Variants in CHD3 observed in about 807,000 individuals in gnomAD.
CHD3 encodes the protein ATP-dependent chromatin remodeler CHD3.
CHD3 carries 52 observed loss-of-function variants against 248.9 expected under a neutral mutation model. The ratio of observed to expected loss-of-function variants is 0.21; its 90% CI spans 0.17 to 0.26. The LOEUF (loss-of-function observed/expected upper bound fraction) is 0.26, where lower values mean the gene tolerates loss of function less well. Among genes scored for constraint, CHD3 ranks in the 10% least tolerant of loss-of-function variants. The pLI is 1.00. For synonymous variants in CHD3, 985 were observed against 985.2 expected (o/e 1.00, Z 0.00); for missense variants, 1,482 against 2,605.8 (o/e 0.57, Z 9.39).
In CHD3 at chr17:7,895,573, A is replaced by G. The variant is rs776320089; in HGVS notation, c.1707+31A>G. 17 of 1,578,154 alleles carry G rather than the reference A, an allele frequency of 1.1e-5. No individual in the cohort carries two copies. The Admixed American group carries it at 2.2e-4, about 20-fold the overall frequency. On this transcript the variant is annotated intron_variant, in intron 10 of 39. Coordinates refer to ENST00000330494, the MANE Select transcript of CHD3 (RefSeq NM_001005273.3). This position sits in a 1 kb window ranked among gnomAD's most constrained non-coding sequence, Gnocchi z 4.9. ...AGGACCTTTTCTTTCCCTCTCCCCC[A>G]TGACCTCATTTCCTGCCATCCTCTC...
At position 7,890,728 on chromosome 17, in the gene CHD3, A is replaced by G; in HGVS notation, c.371A>G (p.Asp124Gly). 1 of 1,333,798 alleles carries G rather than the reference A, an allele frequency of 7.5e-7. No homozygotes were observed. The highest frequency in any genetic ancestry group is 1.0e-6 in the Non-Finnish European group (1 of 983,478). The allele number at this position is 1,333,798 out of a possible 1,614,324, so 82.6% of individuals were successfully genotyped here. A position where few individuals can be genotyped will look rare whatever the true frequency, so the allele number is the denominator to read the frequency against. Residue 124 changes from aspartate (D) to glycine (G), a missense_variant, in exon 3 of 40, where the codon GAT becomes GGT. Physicochemically the swap from Asp to Gly is moderately conservative, Grantham distance 94. Transcript: ENST00000330494. ...KTKRRKKGEG[D>G]GGQKQVEQKS... The stretch of plus-strand genomic sequence containing the variant: ...AAGCGGCGGAAAAAGGGGGAGGGAG[A>G]TGGGGGGCAAAAGGTGAGTAGAATT...
upstream of CHD3, chr17:7,885,151 G>A (rs1967595029): frequency 3.1e-6 from 3 of 982,396 alleles, no homozygotes; most frequent in South Asian, 9.0e-5. Context: ...GCCGGGCGGG[G>A]GCGAGGCACC....
At position 7,906,555 on chromosome 17, in the gene CHD3, C is replaced by T. The variant is rs1359431103; in HGVS notation, c.4361C>T (p.Ala1454Val). The change falls in exon 29 of 40, where the codon GCC becomes GTC. Residue 1454 changes from alanine to valine, a missense_variant and splice_region_variant. This residue lies in a region of CHD3 where 156 missense variants were observed against 420.3 expected (regional missense o/e 0.37). Transcript: ENST00000330494. The surrounding 1 kb of genome is among the most constrained non-coding windows in gnomAD (Gnocchi z 5.0). ...LRGKTEKEFK[A>V]YVSLFMRHLC... ...CCTCCCACTCCCATGCTCCTTAGGGCCTATGTGTCTTTGTTCATGCGCCAT... is the reference window on the plus strand; with the variant it reads ...CCTCCCACTCCCATGCTCCTTAGGGTCTATGTGTCTTTGTTCATGCGCCAT... The T allele has an allele frequency of 9.9e-6, 16 of 1,613,710 alleles. No individual in the cohort carries two copies. The highest frequency in any genetic ancestry group is 8.5e-7 in the Non-Finnish European group (1 of 1,179,932).
In CHD3 at chr17:7,894,178, A is replaced by C. The variant is rs1213075584; in HGVS notation, c.988A>C (p.Ser330Arg). ...TGAGGAATCAGACCTGGACAGTGGC[A>C]GTGTCCACAGTGCCTCAGGCCGGCC... ...EAEESDLDSG[S>R]VHSASGRPDG... The change falls in exon 7 of 40, where the codon AGT becomes CGT. Residue 330 changes from serine (S) to arginine (R), a missense_variant. Transcript: ENST00000330494. The C allele has an allele frequency of 6.2e-7, 1 of 1,614,110 alleles. No homozygotes were observed. The highest frequency in any genetic ancestry group is 1.7e-5 in the Admixed American group (1 of 60,014).
At position 7,889,595 on chromosome 17, in the gene CHD3, G is replaced by A; in HGVS notation, c.101-69G>A. On this transcript the variant is annotated intron_variant, in intron 1 of 39. Coordinates refer to ENST00000330494, the MANE Select transcript of CHD3 (RefSeq NM_001005273.3). This position sits in a 1 kb window ranked among gnomAD's most constrained non-coding sequence, Gnocchi z 4.5. ...GTGGGAACTGCCGAGGTGGGGAAGG[G>A]GCAAGTTGAGGGGCCTCAGAGGCTG... is the stretch of plus-strand genomic sequence containing the variant. 7.3e-7 allele frequency: 1 copy of A among 1,360,658 alleles called. No homozygotes were observed. The highest frequency in any genetic ancestry group is 1.2e-5 in the South Asian group (1 of 80,374). 84.3% of individuals were successfully genotyped at this position (1,360,658 alleles called of 1,614,324 possible). A position where few individuals can be genotyped will look rare whatever the true frequency, so the allele number is the denominator to read the frequency against.
chr17:7,902,801 G>A, intron 21 of CHD3, 74 bp downstream of exon 21: 1 of 1,588,046 alleles, frequency 6.3e-7, no homozygotes, highest in South Asian at 1.1e-5. Flanking sequence ...GGGATGGGAG[G>A]GGGACTGGCT....
Position 7,904,015 on chromosome 17 carries a change from A to G in CHD3, c.3894+24A>G, listed in dbSNP as rs1451138911. The stretch of plus-strand genomic sequence containing the variant: ...AGGTGAGAGGCTTTGGGGGCCAGAC[A>G]TTATCTATCCCAGGCCATCTCCAAA... On this transcript the variant is annotated intron_variant, in intron 24 of 39. Coordinates refer to ENST00000330494, the MANE Select transcript of CHD3 (RefSeq NM_001005273.3). The surrounding 1 kb of genome is among the most constrained non-coding windows in gnomAD (Gnocchi z 4.4). 5.0e-6 allele frequency: 8 copies of G among 1,610,644 alleles called. No homozygotes were observed. Among genetic ancestry groups the G allele is most frequent in the South Asian group, 1.1e-5 (1 of 90,846 alleles).
intron 10 of CHD3, among the ~76,000 whole-genome samples, chr17:7,896,183 G>A (rs1045515885): frequency 4.9e-5 from 7 of 142,072 alleles, no homozygotes; most frequent in Non-Finnish European, 1.0e-4. Flanking sequence ...AGCCAAGATC[G>A]TGTCCCTGCA....
chr17:7,893,610 A>G (rs1403209676), intron 5 of CHD3, 41 bp downstream of exon 5: 2 of 1,538,818 alleles, frequency 1.3e-6, no homozygotes, highest in East Asian at 2.3e-5. Context: ...TCACCTTCCA[A>G]ACTGCATGTC....
At chr17:7,893,248 C>G (rs375812198) in intron 4 of CHD3, 38 bp from the exon 5 acceptor site, 2 of 1,559,830 alleles carry the variant, frequency 1.3e-6, no homozygotes, top group African/African-American at 2.7e-5. Flanking sequence ...CCCAGACCAT[C>G]TGTGAAGGGT....
rs1401035171 is a variant in CHD3 at position 7,895,450 on chromosome 17, C to T, written c.1615C>T (p.Pro539Ser). Residue 539 changes from proline to serine, a missense_variant, in exon 10 of 40, where the codon CCC (proline) becomes TCC (serine). Transcript: ENST00000330494. This position sits in a 1 kb window ranked among gnomAD's most constrained non-coding sequence, Gnocchi z 4.9. ...AGATGGAAATCCAGATGTCCCACCC[C>T]CCCGTCCTCTTCAAGGCAGATCAGA... ...QADGNPDVPP[P>S]RPLQGRSERE... 1.2e-6 allele frequency: 2 copies of T among 1,614,024 alleles called. No homozygotes were observed. The highest frequency in any genetic ancestry group is 2.2e-5 in the East Asian group (1 of 44,880).
intron 4 of CHD3, among the ~76,000 whole-genome samples, chr17:7,891,900 G>A (rs1301944593): frequency 1.3e-5 from 2 of 151,096 alleles, no homozygotes; most frequent in African/African-American, 4.8e-5. Flanking sequence ...GATGTATTTT[G>A]TTTTGGGGAG....
At chr17:7,886,302 A>G (rs1967939180), upstream of CHD3, among the ~76,000 whole-genome samples, 1 of 152,046 alleles carries the variant, frequency 6.6e-6, no homozygotes, top group African/African-American at 2.4e-5. This position sits in a 1 kb window ranked among gnomAD's most constrained non-coding sequence, Gnocchi z 4.2. Flanking sequence ...CCACCCTCCT[A>G]GTGGAGTGAT....
intron 4 of CHD3, 87 bp downstream of exon 4, chr17:7,891,151 A>C: frequency 6.8e-7 from 1 of 1,471,580 alleles, no homozygotes. Context: ...GAAAGCTATG[A>C]AACTGCTCTC....
chr17:7,905,257 C>A lies in CHD3; in HGVS notation c.4138+92C>A. 3.3e-6 allele frequency: 4 copies of A among 1,208,080 alleles called. No homozygotes were observed. Among genetic ancestry groups the A allele is most frequent in the Non-Finnish European group, 4.9e-6 (4 of 816,202 alleles). 74.8% of individuals were successfully genotyped at this position (1,208,080 alleles called of 1,614,324 possible). A position where few individuals can be genotyped will look rare whatever the true frequency, so the allele number is the denominator to read the frequency against. On this transcript the variant is annotated intron_variant, in intron 26 of 39. Coordinates refer to ENST00000330494, the MANE Select transcript of CHD3 (RefSeq NM_001005273.3). The surrounding 1 kb of genome is among the most constrained non-coding windows in gnomAD (Gnocchi z 5.8). ...ACTGTTTTTATACAAGTAAAAAAGT[C>A]TTCGTGTGTGTGTGGAAAAACTCGA...
At chr17:7,885,887 C>G (rs1260322240), upstream of CHD3, among the ~76,000 whole-genome samples, 1 of 152,228 alleles carries the variant, frequency 6.6e-6, no homozygotes, top group African/African-American at 2.4e-5. Context: ...CTCGCTCCCC[C>G]AGCCTGTGCA....
Position 7,907,410 on chromosome 17 carries a change from C to T in CHD3, c.4846C>T (p.Pro1616Ser). ...LGERLEPRKIPLEDEVPGVPG... is the reference protein window; with the variant it reads ...LGERLEPRKISLEDEVPGVPG... The stretch of plus-strand genomic sequence containing the variant: ...GGAGCGGCTGGAGCCAAGGAAGATT[C>T]CTCTAGAGGATGAGGTGCCAGGGGT... Residue 1616 changes from proline to serine, a missense_variant, in exon 32 of 40, where the codon CCT becomes TCT. Around this residue, in one of 20 missense-constraint regions of CHD3, gnomAD observed 254 missense variants for 266.7 expected, o/e 0.95. Transcript: ENST00000330494. The surrounding 1 kb of genome is among the most constrained non-coding windows in gnomAD (Gnocchi z 4.3). 2 of 1,611,110 alleles carry T rather than the reference C, an allele frequency of 1.2e-6. No individual in the cohort carries two copies. The highest frequency in any genetic ancestry group is 2.2e-5 in the East Asian group (1 of 44,880).
At position 7,901,220 on chromosome 17, in the gene CHD3, T is replaced by C. The variant is rs959199955; in HGVS notation, c.3121-24T>C. The C allele has an allele frequency of 2.5e-6, 4 of 1,578,480 alleles. No individual in the cohort carries two copies. In the African/African-American group the frequency reaches 5.4e-5, roughly 21 times the overall value. On this transcript the variant is annotated intron_variant, in intron 19 of 39. Transcript: ENST00000330494. The stretch of plus-strand genomic sequence containing the variant: ...GGCATGTTTCCAACTGACCCCCTCC[T>C]CCTCCTCTCTCCTCCCTTTTCAGGA...
intron 4 of CHD3, among the ~76,000 whole-genome samples, chr17:7,891,363 C>T (rs1042523249): frequency 6.6e-6 from 1 of 152,138 alleles, no homozygotes. Flanking sequence ...CCCTCCCCTG[C>T]CCCAACAGCT....
Sources: allele counts gnomAD v4.1 joint callset (sites outside exome capture counted in the v4.1 genomes callset), GRCh38; gene constraint gnomAD v4.1.1; regional missense constraint gnomAD v4.1.1; non-coding constraint Gnocchi (gnomAD v3.1); transcripts MANE v1.5; gene names NCBI Gene and HGNC (gene_info 2026-07-23, HGNC 2026-07-21).